GLT1D1: variants seen among roughly 807,000 people sequenced by gnomAD.
The protein encoded by GLT1D1 is glycosyltransferase 1 domain containing 1.
A neutral mutation model predicts 28.7 loss-of-function variants in GLT1D1; 21 were observed. The ratio of observed to expected loss-of-function variants is 0.73; its 90% CI spans 0.52 to 1.05. The LOEUF (loss-of-function observed/expected upper bound fraction) is 1.05. GLT1D1 is among the 50% of genes least tolerant of loss of function. The pLI is 0.00. For synonymous variants in GLT1D1, 147 were observed against 124.8 expected, an observed-to-expected ratio of 1.18 and a Z score of -1.19; for missense variants, 343 against 330.6, an observed-to-expected ratio of 1.04 and a Z score of -0.29.
intron 4 of GLT1D1, among the ~76,000 whole-genome samples, chr12:128,902,147 G>T (rs1382465301): frequency 6.6e-6 from 1 of 151,640 alleles, no homozygotes; most frequent in Non-Finnish European, 1.5e-5. Context: ...TGAAAGATCA[G>T]TTCATAGTAC....
intron 4 of GLT1D1, among the ~76,000 whole-genome samples, chr12:128,927,382 G>A (rs993010713): frequency 6.6e-6 from 1 of 151,990 alleles, no homozygotes; most frequent in Non-Finnish European, 1.5e-5. Context: ...GGGACTACAG[G>A]TGCCCACCAC....
At chr12:128,861,235 C>T (rs1270224107) in intron 1 of GLT1D1, among the ~76,000 whole-genome samples, 4 of 152,310 alleles carry the variant, frequency 2.6e-5, no homozygotes, top group East Asian at 3.9e-4. Context: ...TACTATTATA[C>T]GCTTACGTGT....
intron 7 of GLT1D1, among the ~76,000 whole-genome samples, chr12:128,970,812 T>G (rs1232574694): frequency 6.6e-6 from 1 of 152,210 alleles, no homozygotes; most frequent in Non-Finnish European, 1.5e-5. Context: ...CTGTGTACAC[T>G]GCACTCTTTG....
intron 7 of GLT1D1, among the ~76,000 whole-genome samples, chr12:128,978,961 C>T (rs150010256): frequency 5.3e-5 from 8 of 152,204 alleles, no homozygotes; most frequent in African/African-American, 1.9e-4. Context: ...GGTGGGTTTC[C>T]GCTGGCTGCT....
At chr12:128,904,234 T>G (rs1870603910) in intron 4 of GLT1D1, among the ~76,000 whole-genome samples, 1 of 151,868 alleles carries the variant, frequency 6.6e-6, no homozygotes, top group South Asian at 2.1e-4. Flanking sequence ...TCATGCCATT[T>G]CACCTATAAT....
intron 4 of GLT1D1, among the ~76,000 whole-genome samples, chr12:128,938,922 CTT>C (rs1235976742): frequency 1.3e-5 from 2 of 152,134 alleles, no homozygotes; most frequent in Non-Finnish European, 2.9e-5. Flanking sequence ...TTGTTGAAGA[CTT>C]TGCTGTTGGA....
chr12:128,857,011 T>C (rs1233183055), intron 1 of GLT1D1, among the ~76,000 whole-genome samples: 1 of 152,130 alleles, frequency 6.6e-6, no homozygotes, highest in Non-Finnish European at 1.5e-5. Context: ...CCGAAGAACC[T>C]GAACGGGCAC....
At chr12:128,873,959 TTCTG>T (rs1447633101) in intron 1 of GLT1D1, among the ~76,000 whole-genome samples, 3 of 139,940 alleles carry the variant, frequency 2.1e-5, no homozygotes, top group African/African-American at 5.4e-5. Flanking sequence ...TTCCTTCTGT[TTCTG>T]TCTTTTTCTT....
intron 7 of GLT1D1, among the ~76,000 whole-genome samples, chr12:128,974,354 C>G (rs1879557446): frequency 6.6e-6 from 1 of 152,124 alleles, no homozygotes; most frequent in South Asian, 2.1e-4. Flanking sequence ...GCCTTTGAGC[C>G]ACACTAACCC....
In GLT1D1 at chr12:128,945,362, G is replaced by T; in HGVS notation, c.412G>T (p.Val138Leu). 2 of 1,613,954 alleles carry T rather than the reference G, an allele frequency of 1.2e-6. No homozygotes were observed. The highest frequency in any genetic ancestry group is 1.7e-6 in the Non-Finnish European group (2 of 1,179,780). ...GTTTACAAGGGAAGTGAAAGCCAAA[G>T]TGAAAAGGTAAGAGTTGGTGGAGAC... The change falls in exon 5 of 8, where the codon GTG becomes TTG. Residue 138 changes from valine to leucine, a missense_variant. Coordinates refer to ENST00000281703, the MANE Select transcript of GLT1D1 (RefSeq NM_144669.3).
chr12:128,944,275 G>A, intron 4 of GLT1D1: 1 of 624,396 alleles, frequency 1.6e-6, no homozygotes, highest in East Asian at 3.4e-5. Context: ...TCCTTATAGA[G>A]TAACTGAAGC....
intron 3 of GLT1D1, among the ~76,000 whole-genome samples, chr12:128,890,467 T>C (rs1868914240): frequency 6.6e-6 from 1 of 152,088 alleles, no homozygotes; most frequent in Admixed American, 6.6e-5. Context: ...GTCTAACGAA[T>C]AACAATAATA....
chr12:128,857,699 A>G (rs2135752779), intron 1 of GLT1D1, among the ~76,000 whole-genome samples: 1 of 152,322 alleles, frequency 6.6e-6, no homozygotes, highest in South Asian at 2.1e-4. Flanking sequence ...ACACTTGGTG[A>G]AGGAGTTCCC....
At chr12:128,863,901 G>A (rs1300724374) in intron 1 of GLT1D1, among the ~76,000 whole-genome samples, 31 of 143,944 alleles carry the variant, frequency 2.2e-4, no homozygotes, top group Admixed American at 5.8e-4. Flanking sequence ...AGCCAATATC[G>A]TGCCACTGCA....
chr12:128,886,727 G>T (rs950925279), intron 2 of GLT1D1, among the ~76,000 whole-genome samples: 1 of 151,798 alleles, frequency 6.6e-6, no homozygotes, highest in East Asian at 2.0e-4. Context: ...ATAGTCTACC[G>T]TAATACCCCT....
At chr12:128,871,745 T>G (rs1013564809) in intron 1 of GLT1D1, among the ~76,000 whole-genome samples, 20 of 152,276 alleles carry the variant, frequency 1.3e-4, no homozygotes, top group African/African-American at 4.6e-4. Flanking sequence ...CTCCTCTTCT[T>G]TGTTTTACTC....
chr12:128,869,767 C>T (rs570427098), intron 1 of GLT1D1, among the ~76,000 whole-genome samples: 3 of 152,102 alleles, frequency 2.0e-5, no homozygotes, highest in East Asian at 1.9e-4. Context: ...CCCTCCTGTT[C>T]GGTGCAGAGC....
intron 2 of GLT1D1, among the ~76,000 whole-genome samples, chr12:128,879,378 T>TTTC (rs1956953393): frequency 0.016 from 1,114 of 70,010 alleles, 150 homozygotes; most frequent in Non-Finnish European, 0.016. Flanking sequence ...ATTTTTTTCT[T>TTTC]TTTCTTTCTT....
intron 4 of GLT1D1, 124 bp from the exon 9 acceptor site, chr12:128,945,202 C>T (rs751987154): frequency 5.1e-5 from 49 of 953,180 alleles, no homozygotes; most frequent in Admixed American, 3.8e-4. Context: ...CGAGGACACC[C>T]CCGTGGCCGC....
Sources: gnomAD v4.1 joint callset for allele counts (sites outside exome capture counted in the v4.1 genomes callset) on GRCh38, gnomAD v4.1.1 for gene constraint, MANE v1.5 for transcripts, NCBI Gene and HGNC (gene_info 2026-07-23, HGNC 2026-07-21) for gene names.